PXDNL: variants seen among roughly 807,000 people sequenced by gnomAD.
PXDNL encodes peroxidasin like.
A neutral mutation model predicts 150.8 loss-of-function variants in PXDNL; 145 were observed. That is an observed-to-expected ratio of 0.96 (90% CI 0.84 to 1.10). The LOEUF (loss-of-function observed/expected upper bound fraction) is 1.10, where lower values mean the gene tolerates loss of function less well. PXDNL is among the 50% of genes least tolerant of loss of function. PXDNL has a pLI of 0.00. For synonymous variants in PXDNL, 757 were observed against 725.7 expected (o/e 1.04, Z -0.69); for missense variants, 2,087 against 1,873.9 (o/e 1.11, Z -2.10).
At chr8:51,796,381 C>T (rs920276873) in intron 1 of PXDNL, among the ~76,000 whole-genome samples, 1 of 140,954 alleles carries the variant, frequency 7.1e-6, no homozygotes, top group Non-Finnish European at 1.5e-5. Context: ...TCAATGAATA[C>T]ACGAGCTGGT....
At chr8:51,506,539 T>C (rs1166274150) in intron 4 of PXDNL, among the ~76,000 whole-genome samples, 2 of 29,890 alleles carry the variant, frequency 6.7e-5, no homozygotes, top group East Asian at 2.0e-3. Context: ...AGACTCTGTC[T>C]CAAAAAAAAA....
chr8:51,434,968 G>A (rs1301077377), intron 12 of PXDNL, among the ~76,000 whole-genome samples: 1 of 152,154 alleles, frequency 6.6e-6, no homozygotes, highest in South Asian at 2.1e-4. Context: ...ATGTCACCCA[G>A]ATAAAGTGCT....
chr8:51,776,589 C>A (rs1371469120), intron 1 of PXDNL, among the ~76,000 whole-genome samples: 4 of 152,062 alleles, frequency 2.6e-5, no homozygotes, highest in Non-Finnish European at 5.9e-5. Flanking sequence ...CTCCTCTAAC[C>A]CCCTCTTCTC....
intron 1 of PXDNL, among the ~76,000 whole-genome samples, chr8:51,801,398 G>A (rs2037619102): frequency 6.6e-6 from 1 of 152,118 alleles, no homozygotes; most frequent in Admixed American, 6.5e-5. Flanking sequence ...TTTGCCCTTT[G>A]CCTTGTGATC....
intron 20 of PXDNL, among the ~76,000 whole-genome samples, chr8:51,345,255 A>G (rs566915986): frequency 3.9e-4 from 60 of 152,324 alleles, no homozygotes; most frequent in African/African-American, 1.4e-3. Flanking sequence ...TGCTTTCAGA[A>G]GCTTCCAAGT....
intron 12 of PXDNL, among the ~76,000 whole-genome samples, chr8:51,437,591 A>G (rs960595913): frequency 2.6e-5 from 4 of 152,214 alleles, no homozygotes; most frequent in African/African-American, 9.6e-5. Flanking sequence ...CATAAATCAC[A>G]TGATCATATC....
chr8:51,767,430 C>T (rs561929657), intron 1 of PXDNL, among the ~76,000 whole-genome samples: 200 of 152,168 alleles, frequency 1.3e-3, no homozygotes, highest in African/African-American at 4.4e-3. Flanking sequence ...CTTTGTCATG[C>T]GAGGCCACTG....
intron 2 of PXDNL, among the ~76,000 whole-genome samples, chr8:51,594,221 G>A (rs1813514075): frequency 6.6e-6 from 1 of 152,190 alleles, no homozygotes; most frequent in African/African-American, 2.4e-5. Context: ...TAATTTGCAT[G>A]TCTGCTATGA....
intron 17 of PXDNL, among the ~76,000 whole-genome samples, chr8:51,393,516 A>C (rs1418516542): frequency 6.6e-6 from 1 of 152,248 alleles, no homozygotes; most frequent in Non-Finnish European, 1.5e-5. Flanking sequence ...TTCTATGCTA[A>C]AGCTGAAGCA....
At chr8:51,479,663 C>T (rs898469912) in intron 6 of PXDNL, among the ~76,000 whole-genome samples, 2 of 152,074 alleles carry the variant, frequency 1.3e-5, no homozygotes, top group Admixed American at 6.5e-5. Flanking sequence ...CTAAATAATG[C>T]ATGCACACGG....
At chr8:51,747,114 CA>C (rs993327912) in intron 1 of PXDNL, among the ~76,000 whole-genome samples, 4 of 152,036 alleles carry the variant, frequency 2.6e-5, no homozygotes, top group African/African-American at 4.8e-5. Flanking sequence ...TTGTTGTAAA[CA>C]AAAAAACTCA....
At chr8:51,742,712 A>G (rs1479574982) in intron 1 of PXDNL, among the ~76,000 whole-genome samples, 1 of 152,040 alleles carries the variant, frequency 6.6e-6, no homozygotes, top group African/African-American at 2.4e-5. Flanking sequence ...AAGATGGCAG[A>G]AGTGAAGCCA....
chr8:51,428,148 T>C (rs562761075), intron 12 of PXDNL, among the ~76,000 whole-genome samples: 1 of 152,292 alleles, frequency 6.6e-6, no homozygotes, highest in African/African-American at 2.4e-5. Flanking sequence ...AATAATTAGG[T>C]ATAAATTTAA....
intron 3 of PXDNL, among the ~76,000 whole-genome samples, chr8:51,561,895 A>T (rs932119530): frequency 2.6e-5 from 4 of 151,966 alleles, no homozygotes; most frequent in Admixed American, 2.6e-4. Context: ...TACACTTTTT[A>T]AAAAATGTTA....
intron 17 of PXDNL, among the ~76,000 whole-genome samples, chr8:51,397,944 T>C (rs566756971): frequency 6.7e-6 from 1 of 149,738 alleles, no homozygotes; most frequent in African/African-American, 2.4e-5. Context: ...TGAAGACACA[T>C]AGTTAATTAT....
At chr8:51,617,736 A>C (rs527595514) in intron 2 of PXDNL, among the ~76,000 whole-genome samples, 1 of 152,376 alleles carries the variant, frequency 6.6e-6, no homozygotes, top group Admixed American at 6.5e-5. Context: ...TTTGCATTAA[A>C]AAAGTGAAAC....
At chr8:51,638,802 AG>A (rs1319878213) in intron 2 of PXDNL, among the ~76,000 whole-genome samples, 1 of 152,138 alleles carries the variant, frequency 6.6e-6, no homozygotes, top group African/African-American at 2.4e-5. Context: ...CGAGACAGAA[AG>A]TTAAAAAGGA....
intron 2 of PXDNL, among the ~76,000 whole-genome samples, chr8:51,641,231 A>T (rs1814746666): frequency 8.2e-6 from 1 of 121,884 alleles, no homozygotes; most frequent in Non-Finnish European, 1.6e-5. Flanking sequence ...CTTAAACGTT[A>T]GACCTAAACC....
chr8:51,798,192 A>G (rs2037582900), intron 1 of PXDNL, among the ~76,000 whole-genome samples: 1 of 152,250 alleles, frequency 6.6e-6, no homozygotes, highest in African/African-American at 2.4e-5. Context: ...CTCAAGATGG[A>G]TTAAAGACTT....
Sources: allele counts gnomAD v4.1 joint callset (sites outside exome capture counted in the v4.1 genomes callset), GRCh38; gene constraint gnomAD v4.1.1; transcripts MANE v1.5; gene names NCBI Gene and HGNC (gene_info 2026-07-23, HGNC 2026-07-21).